The following ACACA variants were observed in gnomAD, a reference collection of about 807,000 sequenced individuals.
ACACA encodes the protein acetyl-CoA carboxylase alpha, also known as acetyl-CoA carboxylase 1.
A neutral mutation model predicts 296.1 loss-of-function variants in ACACA; 103 were observed. That is an observed-to-expected ratio of 0.35 (90% CI 0.30 to 0.41). The LOEUF (loss-of-function observed/expected upper bound fraction) is 0.41. Among genes scored for constraint, ACACA ranks in the 10% least tolerant of loss-of-function variants. The pLI is 1.00. For missense variants in ACACA, 1,554 were observed against 2,989.7 expected, an observed-to-expected ratio of 0.52 and a Z score of 11.20; for synonymous variants, 953 against 1,038.6, an observed-to-expected ratio of 0.92 and a Z score of 1.58.
At chr17:37,345,679 G>A (rs975407852) in intron 1 of ACACA, among the ~76,000 whole-genome samples, 3 of 152,018 alleles carry the variant, frequency 2.0e-5, no homozygotes, top group Non-Finnish European at 2.9e-5. Flanking sequence ...TCACCTCTGC[G>A]GTATTTTCCC....
intron 10 of ACACA, among the ~76,000 whole-genome samples, chr17:37,268,741 C>CTATCTATCTATCTATCTATATA (rs1219982787): frequency 3.2e-5 from 3 of 94,528 alleles, no homozygotes; most frequent in African/African-American, 1.2e-4. Context: ...ATCTATCTAT[C>CTATCTATCTATCTATCTATATA]TATATATATA....
intron 3 of ACACA, 27 bp downstream of exon 3, chr17:37,330,146 T>C: frequency 6.2e-7 from 1 of 1,613,542 alleles, no homozygotes; most frequent in Non-Finnish European, 8.5e-7. Flanking sequence ...ACAGATTAAA[T>C]AAGTAGACCA....
intron 29 of ACACA, among the ~76,000 whole-genome samples, chr17:37,216,053 C>T (rs1178307387): frequency 2.1e-5 from 3 of 146,128 alleles, no homozygotes; most frequent in Non-Finnish European, 4.5e-5. Context: ...AAAAATGACA[C>T]ATTAAAAAAA....
chr17:37,142,509 C>A (rs1349932082), intron 45 of ACACA, among the ~76,000 whole-genome samples: 1 of 152,194 alleles, frequency 6.6e-6, no homozygotes, highest in African/African-American at 2.4e-5. Flanking sequence ...AGAATTCATT[C>A]ATAATGCTAA....
In ACACA at chr17:37,122,532, T is replaced by C. The variant is rs1171526892; in HGVS notation, c.6137A>G (p.Lys2046Arg). 4 of 1,614,016 alleles carry C rather than the reference T, an allele frequency of 2.5e-6. No individual in the cohort carries two copies. The highest frequency in any genetic ancestry group is 2.5e-6 in the Non-Finnish European group (3 of 1,179,964). The change falls in exon 49 of 56, where the codon AAG becomes AGG. Residue 2046 changes from lysine (K) to arginine (R), a missense_variant and splice_region_variant. Lys to Arg is a conservative substitution (Grantham distance 26). Transcript: ENST00000616317. ...ADPANLDSEA[K>R]IIQQAGQVWF... ...CCCAGTGTACTTGAGGTGGCCTACCTTGGCTTCAGAATCCAGGTTTGCTGG... is the reference window on the plus strand; with the variant it reads ...CCCAGTGTACTTGAGGTGGCCTACCCTGGCTTCAGAATCCAGGTTTGCTGG...
chr17:37,244,538 G>C (rs765738446), intron 21 of ACACA, 50 bp downstream of exon 21: 2 of 1,601,646 alleles, frequency 1.2e-6, no homozygotes, highest in Non-Finnish European at 1.7e-6. Context: ...CTATTTTGGA[G>C]AATAGGTATC....
At chr17:37,356,673 C>T (rs910599996) in intron 1 of ACACA, among the ~76,000 whole-genome samples, 1 of 151,872 alleles carries the variant, frequency 6.6e-6, no homozygotes, top group Non-Finnish European at 1.5e-5. Context: ...CCACCGCGCC[C>T]GGCAGCTTCT....
intron 4 of ACACA, among the ~76,000 whole-genome samples, chr17:37,283,936 T>A (rs1329840107): frequency 6.6e-6 from 1 of 152,220 alleles, no homozygotes; most frequent in Non-Finnish European, 1.5e-5. Context: ...AAAAATAGAA[T>A]AATCCTGAGA....
Position 37,334,732 on chromosome 17 carries a change from C to T in ACACA, c.86-4307G>A, listed in dbSNP as rs146533741. 1.1e-4 allele frequency among the ~76,000 whole-genome samples: 17 copies of T among 151,936 alleles called. No individual in the cohort carries two copies. The East Asian group carries it at 2.5e-3, about 23-fold the overall frequency. ...ACCCCCTTTCACTCTCACTGCACCC[C>T]GTCCATGCCACTGCACCCCGTCCAT... On this transcript the variant is annotated intron_variant, in intron 2 of 55. Coordinates refer to ENST00000616317, the MANE Select transcript of ACACA (RefSeq NM_198834.3).
intron 46 of ACACA, 29 bp from the exon 47 acceptor site, chr17:37,129,514 A>G: frequency 4.3e-6 from 7 of 1,613,528 alleles, no homozygotes; most frequent in Non-Finnish European, 5.9e-6. Flanking sequence ...AGAGCACAGC[A>G]ATCAGTGAAC....
chr17:37,173,320 G>A (rs2076944421), intron 41 of ACACA, among the ~76,000 whole-genome samples: 1 of 152,192 alleles, frequency 6.6e-6, no homozygotes, highest in Non-Finnish European at 1.5e-5. Context: ...AATTAAGACA[G>A]AGGGTTATGG....
intron 6 of ACACA, among the ~76,000 whole-genome samples, chr17:37,277,575 C>T (rs547515093): frequency 1.3e-5 from 2 of 152,218 alleles, no homozygotes; most frequent in South Asian, 4.1e-4. Flanking sequence ...AAACAGCCTA[C>T]TTCTTTAATA....
intron 1 of ACACA, chr17:37,365,451 C>T: frequency 1.0e-6 from 1 of 985,422 alleles, no homozygotes; most frequent in Non-Finnish European, 1.2e-6. Flanking sequence ...ACCTGAGAGG[C>T]CACTCTGCTC....
At chr17:37,279,446 A>G (rs1195165561) in intron 5 of ACACA, among the ~76,000 whole-genome samples, 2 of 152,108 alleles carry the variant, frequency 1.3e-5, no homozygotes, top group African/African-American at 4.8e-5. Context: ...CATCCTGGCT[A>G]ACATGGTGAA....
chr17:37,273,655 A>G (rs2082158524), intron 9 of ACACA, among the ~76,000 whole-genome samples: 1 of 152,226 alleles, frequency 6.6e-6, no homozygotes, highest in Non-Finnish European at 1.5e-5. Flanking sequence ...GTGGTCATTC[A>G]GCACTGCCAG....
At chr17:37,118,219 A>G (rs919309511) in intron 50 of ACACA, among the ~76,000 whole-genome samples, 1 of 152,182 alleles carries the variant, frequency 6.6e-6, no homozygotes, top group Admixed American at 6.5e-5. Flanking sequence ...GCCCTGGTCT[A>G]TATATCAGGC....
intron 50 of ACACA, among the ~76,000 whole-genome samples, chr17:37,120,361 G>A (rs1360839330): frequency 6.6e-6 from 1 of 151,972 alleles, no homozygotes; most frequent in South Asian, 2.1e-4. Context: ...TGCCTCCCAG[G>A]TTCAAGTGAT....
At chr17:37,321,176 A>C (rs1016793157) in intron 3 of ACACA, among the ~76,000 whole-genome samples, 1 of 152,216 alleles carries the variant, frequency 6.6e-6, no homozygotes, top group African/African-American at 2.4e-5. Context: ...ATGTAGGAAC[A>C]ATAGATAGGC....
intron 3 of ACACA, among the ~76,000 whole-genome samples, chr17:37,309,146 C>T (rs564623982): frequency 4.2e-4 from 64 of 152,140 alleles, no homozygotes; most frequent in African/African-American, 1.3e-3. Context: ...CTCAGCCTTC[C>T]GAGTAGCTAG....
Sources: allele counts gnomAD v4.1 joint callset (sites outside exome capture counted in the v4.1 genomes callset), GRCh38; gene constraint gnomAD v4.1.1; transcripts MANE v1.5; gene names NCBI Gene and HGNC (gene_info 2026-07-23, HGNC 2026-07-21).